COL6A5: variants seen among roughly 807,000 people sequenced by gnomAD.
COL6A5 encodes the protein collagen type VI alpha 5 chain.
A neutral mutation model predicts 65.6 loss-of-function variants in COL6A5; 48 were observed. The observed-to-expected ratio is 0.73, with a 90% confidence interval of 0.58 to 0.93. The LOEUF is 0.93. Among genes scored for constraint, COL6A5 ranks in the 40% least tolerant of loss-of-function variants. The pLI is 0.00. For synonymous variants in COL6A5, 291 were observed against 322.8 expected (o/e 0.90, Z 1.05); for missense variants, 914 against 928.3 (o/e 0.98, Z 0.20).
chr3:130,361,193 A>T (rs1417929463), intron 1 of COL6A5, among the ~76,000 whole-genome samples: 1 of 152,122 alleles, frequency 6.6e-6, no homozygotes, highest in African/African-American at 2.4e-5. Flanking sequence ...CCATTATGAT[A>T]GGATCAGACA....
At chr3:130,421,260 G>T in intron 26 of COL6A5, 57 bp downstream of exon 26, 1 of 1,546,900 alleles carries the variant, frequency 6.5e-7, no homozygotes, top group South Asian at 1.2e-5. Flanking sequence ...AATAATACAA[G>T]AAGAAATGTT....
At chr3:130,424,683 G>A (rs1393646186) in intron 29 of COL6A5, among the ~76,000 whole-genome samples, 2 of 152,062 alleles carry the variant, frequency 1.3e-5, no homozygotes, top group African/African-American at 2.4e-5. Context: ...TGGTTTTGTG[G>A]AAAACTGAAT....
chr3:130,393,077 TGTG>T lies in COL6A5; in HGVS notation c.2992+1324_2992+1326del, dbSNP rs1559875826. On this transcript the variant is annotated intron_variant and NMD_transcript_variant, in intron 7 of 41. Transcript: ENST00000312481. ...TCTTCTGCTTACAGTGTTTTTTTTT[TGTG>T]TGTGTGTGTGTGTGTGTGTGTGTTT... Among the ~76,000 whole-genome samples the T allele has an allele frequency of 2.7e-5, 2 of 73,202 alleles. 1 individual carries two copies. The highest frequency in any genetic ancestry group is 4.8e-5 in the Non-Finnish European group (2 of 41,850). 48.0% of individuals were successfully genotyped at this position (73,202 alleles called of 152,430 possible).
At chr3:130,349,052 T>C (rs1385080347) in intron 1 of COL6A5, among the ~76,000 whole-genome samples, 1 of 152,204 alleles carries the variant, frequency 6.6e-6, no homozygotes, top group African/African-American at 2.4e-5. Flanking sequence ...CTACCCAATA[T>C]TCTAATACTC....
exon 1 of COL6A5, chr3:130,431,898 C>A (rs987878088): frequency 6.4e-7 from 1 of 1,551,356 alleles, no homozygotes; most frequent in African/African-American, 1.4e-5. Flanking sequence ...CCCTGGATAT[C>A]AGTCCAACAG....
At chr3:130,452,476 C>T (rs1709467246) in intron 4 of COL6A5, among the ~76,000 whole-genome samples, 2 of 152,096 alleles carry the variant, frequency 1.3e-5, no homozygotes, top group Non-Finnish European at 1.5e-5. Flanking sequence ...CGGTAGGTTC[C>T]GTGATGCCCC....
At chr3:130,357,176 AGGG>A (rs1934954501) in intron 1 of COL6A5, among the ~76,000 whole-genome samples, 1 of 152,182 alleles carries the variant, frequency 6.6e-6, no homozygotes, top group Admixed American at 6.5e-5. Flanking sequence ...GTAGAAAAAA[AGGG>A]GGAATAATTT....
exon 1 of COL6A5, chr3:130,431,796 A>G (rs1937824932): frequency 6.4e-7 from 1 of 1,551,644 alleles, no homozygotes; most frequent in Non-Finnish European, 8.7e-7. Context: ...GGACGTATGC[A>G]GGAGCCAACG....
chr3:130,352,320 G>T (rs986695412), intron 1 of COL6A5, among the ~76,000 whole-genome samples: 2 of 151,900 alleles, frequency 1.3e-5, no homozygotes, highest in Non-Finnish European at 2.9e-5. Flanking sequence ...AAAAAGATTC[G>T]TTGGAAAATG....
chr3:130,415,727 T>C lies in COL6A5; in HGVS notation c.4824+20T>C. 4 of 1,529,352 alleles carry C rather than the reference T, an allele frequency of 2.6e-6. No individual in the cohort carries two copies. Among genetic ancestry groups the C allele is most frequent in the African/African-American group, 2.8e-5 (2 of 72,288 alleles). The allele number at this position is 1,529,352 out of a possible 1,614,324, so 94.7% of individuals were successfully genotyped here. On this transcript the variant is annotated intron_variant and NMD_transcript_variant, in intron 23 of 41. Coordinates refer to the COL6A5 transcript ENST00000312481. ...CCTCAGGTGAGTGACTCGGAGACAT[T>C]AGGCTCAATGACTCTCAACAGTTAT...
At chr3:130,400,370 T>C (rs1936775073) in intron 10 of COL6A5, among the ~76,000 whole-genome samples, 1 of 152,238 alleles carries the variant, frequency 6.6e-6, no homozygotes, top group Non-Finnish European at 1.5e-5. Context: ...AAACCTGACT[T>C]ATTCATTTGT....
chr3:130,387,936 G>GTATA (rs150981344), intron 5 of COL6A5, among the ~76,000 whole-genome samples: 13 of 149,902 alleles, frequency 8.7e-5, no homozygotes, highest in African/African-American at 2.4e-4. Context: ...GTATATATAT[G>GTATA]TATATATATA....
intron 3 of COL6A5, among the ~76,000 whole-genome samples, chr3:130,442,582 G>A (rs762647666): frequency 4.6e-5 from 7 of 152,126 alleles, no homozygotes; most frequent in Non-Finnish European, 8.8e-5. Context: ...TTGTAGGAGT[G>A]AAAAGGCTCC....
At chr3:130,420,532 T>C (rs919323164) in intron 25 of COL6A5, among the ~76,000 whole-genome samples, 1 of 152,126 alleles carries the variant, frequency 6.6e-6, no homozygotes, top group Non-Finnish European at 1.5e-5. Flanking sequence ...ATAATGAATT[T>C]CTACATAGAG....
At chr3:130,396,901 C>T (rs560668199) in intron 8 of COL6A5, among the ~76,000 whole-genome samples, 6 of 152,276 alleles carry the variant, frequency 3.9e-5, no homozygotes, top group South Asian at 2.1e-4. Flanking sequence ...CTCGCTCTGT[C>T]GCCCAGGCTG....
upstream of COL6A5, chr3:130,431,398 TAA>T: frequency 1.3e-6 from 2 of 1,516,852 alleles, no homozygotes; most frequent in Non-Finnish European, 1.8e-6. Flanking sequence ...TTCATTGGAG[TAA>T]AGAGTTGGGG....
At chr3:130,349,673 A>G (rs903852077) in intron 1 of COL6A5, among the ~76,000 whole-genome samples, 1 of 152,158 alleles carries the variant, frequency 6.6e-6, no homozygotes, top group Non-Finnish European at 1.5e-5. Context: ...TTAATCACCA[A>G]TTATTTACAT....
intron 1 of COL6A5, among the ~76,000 whole-genome samples, chr3:130,365,889 T>G (rs1239964241): frequency 6.6e-6 from 1 of 152,202 alleles, no homozygotes; most frequent in African/African-American, 2.4e-5. Flanking sequence ...AGCTCTCTAG[T>G]GTGCAGCCAA....
intron 7 of COL6A5, among the ~76,000 whole-genome samples, chr3:130,473,786 C>T (rs981926685): frequency 2.6e-5 from 4 of 152,058 alleles, no homozygotes; most frequent in Admixed American, 6.6e-5. Context: ...CAATCGTTAC[C>T]TCCTCCTCCC....
Sources: gnomAD v4.1 joint callset for allele counts (sites outside exome capture counted in the v4.1 genomes callset) on GRCh38, gnomAD v4.1.1 for gene constraint, MANE v1.5 for transcripts, NCBI Gene and HGNC (gene_info 2026-07-23, HGNC 2026-07-21) for gene names.